The following GLIS3 variants were observed in gnomAD, a reference collection of about 807,000 sequenced individuals.
GLIS3 encodes GLIS family zinc finger 3.
Under a neutral mutation model 78.6 loss-of-function variants are expected in GLIS3, and 53 were observed. The ratio of observed to expected loss-of-function variants is 0.67; its 90% CI spans 0.54 to 0.85. The LOEUF is 0.85. Ranked by LOEUF, GLIS3 falls within the 40% of genes least tolerant of loss-of-function variation. The pLI is 0.00. For missense variants in GLIS3, 1,703 were observed against 1,231.1 expected (o/e 1.38, Z -5.74); for synonymous variants, 684 against 509.9 (o/e 1.34, Z -4.60).
At chr9:4,293,455 C>T (rs1400919013) in intron 1 of GLIS3, among the ~76,000 whole-genome samples, 1 of 152,188 alleles carries the variant, frequency 6.6e-6, no homozygotes, top group East Asian at 1.9e-4. Context: ...TGAACATCCA[C>T]AACAATGACT....
intron 2 of GLIS3, among the ~76,000 whole-genome samples, chr9:4,199,409 A>G (rs981432704): frequency 3.3e-5 from 5 of 151,542 alleles, no homozygotes; most frequent in Non-Finnish European, 4.4e-5. Context: ...ATAGGTAACT[A>G]TCCTTATATC....
At chr9:4,232,686 AG>A (rs1321749970) in intron 2 of GLIS3, among the ~76,000 whole-genome samples, 1 of 152,234 alleles carries the variant, frequency 6.6e-6, no homozygotes, top group Non-Finnish European at 1.5e-5. Flanking sequence ...TTATCAATAA[AG>A]GCTTCTGGAA....
chr9:4,176,725 A>C (rs1441093018), intron 2 of GLIS3, among the ~76,000 whole-genome samples: 1 of 152,124 alleles, frequency 6.6e-6, no homozygotes, highest in Non-Finnish European at 1.5e-5. Context: ...CCGGGTTCAA[A>C]TGATTCTCCT....
At chr9:4,409,115 ATGT>A in the GLIS3 span, among the ~76,000 whole-genome samples, 2 of 152,212 alleles carry the variant, frequency 1.3e-5, no homozygotes, top group Admixed American at 6.5e-5. Flanking sequence ...TGTATGGGAA[ATGT>A]TGTAATCCTG....
At chr9:4,229,921 G>A (rs570689886) in intron 2 of GLIS3, among the ~76,000 whole-genome samples, 1 of 152,322 alleles carries the variant, frequency 6.6e-6, no homozygotes, top group African/African-American at 2.4e-5. Context: ...TGAAGGTGGA[G>A]CTCTGAAATT....
At chr9:3,915,669 T>C (rs1824460719) in intron 6 of GLIS3, among the ~76,000 whole-genome samples, 1 of 152,204 alleles carries the variant, frequency 6.6e-6, no homozygotes, top group African/African-American at 2.4e-5. Context: ...GCCTTCATGA[T>C]GTTGCCTGTC....
intron 4 of GLIS3, among the ~76,000 whole-genome samples, chr9:4,095,715 A>T (rs1195349993): frequency 6.6e-6 from 1 of 152,214 alleles, no homozygotes; most frequent in African/African-American, 2.4e-5. Context: ...TCTGTACTAC[A>T]GCTAAACTGA....
chr9:4,452,125 C>T, the GLIS3 span, among the ~76,000 whole-genome samples: 1 of 152,228 alleles, frequency 6.6e-6, no homozygotes, highest in Non-Finnish European at 1.5e-5. Context: ...TTCAACACCC[C>T]TTCATGCTAA....
chr9:4,470,978 C>G, the GLIS3 span, among the ~76,000 whole-genome samples: 3 of 151,594 alleles, frequency 2.0e-5, no homozygotes, highest in East Asian at 1.9e-4. Flanking sequence ...AACAGAGAGC[C>G]AAATCATGAG....
intron 2 of GLIS3, among the ~76,000 whole-genome samples, chr9:4,314,510 T>A (rs1351826782): frequency 6.6e-6 from 1 of 152,248 alleles, no homozygotes; most frequent in South Asian, 2.1e-4. Context: ...AGAACTTTGA[T>A]GATGCTATGT....
chr9:4,434,047 G>C, the GLIS3 span, among the ~76,000 whole-genome samples: 2 of 144,452 alleles, frequency 1.4e-5, no homozygotes, highest in Admixed American at 1.4e-4. Flanking sequence ...AGTGAGCCGA[G>C]ATTGCGCCAC....
intron 4 of GLIS3, among the ~76,000 whole-genome samples, chr9:4,033,886 A>AAAAAAAAAAAAAAAAAC (rs1185830960): frequency 6.7e-6 from 1 of 149,600 alleles, no homozygotes; most frequent in African/African-American, 2.5e-5. Flanking sequence ...AAAAAAAAAA[A>AAAAAAAAAAAAAAAAAC]AAAACTAGAA....
the GLIS3 span, among the ~76,000 whole-genome samples, chr9:4,389,390 C>A: frequency 6.6e-6 from 1 of 152,094 alleles, no homozygotes; most frequent in East Asian, 1.9e-4. Context: ...GACTTACAGC[C>A]CAGAACTCGT....
intron 4 of GLIS3, among the ~76,000 whole-genome samples, chr9:3,995,859 G>A (rs1233809366): frequency 2.0e-5 from 3 of 152,070 alleles, no homozygotes; most frequent in Non-Finnish European, 4.4e-5. Context: ...AGTTCCAGGA[G>A]GTGATAATAC....
upstream of GLIS3, among the ~76,000 whole-genome samples, chr9:4,353,107 G>A (rs995680061): frequency 1.3e-5 from 2 of 152,064 alleles, no homozygotes; most frequent in Non-Finnish European, 2.9e-5. Flanking sequence ...TGGATTCCTG[G>A]GTGAACAATA....
Position 3,903,730 on chromosome 9 carries a change from A to G in GLIS3, c.1984-4895T>C, listed in dbSNP as rs948921910. Among the ~76,000 whole-genome samples, 6 of 152,354 alleles carry G rather than the reference A, an allele frequency of 3.9e-5. No individual in the cohort carries two copies. The South Asian group carries it at 1.2e-3, about 32-fold the overall frequency. ...ATAATAAACAGTAAACTAACTAAATAAATTGTAGAGAAGGTGCCAAGTGCT... is the reference window on the plus strand; with the variant it reads ...ATAATAAACAGTAAACTAACTAAATGAATTGTAGAGAAGGTGCCAAGTGCT... On this transcript the variant is annotated intron_variant, in intron 6 of 10. Coordinates refer to ENST00000381971, the MANE Select transcript of GLIS3 (RefSeq NM_001042413.2).
chr9:4,417,930 G>C, the GLIS3 span, among the ~76,000 whole-genome samples: 6 of 152,120 alleles, frequency 3.9e-5, no homozygotes, highest in Admixed American at 1.3e-4. Context: ...TTAGGGGTTG[G>C]GGAACAATTG....
chr9:4,053,198 C>G (rs1422912342), intron 4 of GLIS3, among the ~76,000 whole-genome samples: 1 of 152,166 alleles, frequency 6.6e-6, no homozygotes, highest in East Asian at 1.9e-4. Flanking sequence ...ATCCACTTGC[C>G]TTGGCCTCCC....
intron 6 of GLIS3, among the ~76,000 whole-genome samples, chr9:3,907,220 G>A (rs775090578): frequency 1.3e-5 from 2 of 152,164 alleles, no homozygotes; most frequent in East Asian, 1.9e-4. Context: ...GTCAGTCCAC[G>A]AGGGCTAGGC....
Sources: gnomAD v4.1 joint callset for allele counts (sites outside exome capture counted in the v4.1 genomes callset) on GRCh38, gnomAD v4.1.1 for gene constraint, MANE v1.5 for transcripts, NCBI Gene and HGNC (gene_info 2026-07-23, HGNC 2026-07-21) for gene names.